The following LSM14A variants were observed in gnomAD, a reference collection of about 807,000 sequenced individuals.
The protein encoded by LSM14A is LSM14A mRNA processing body assembly factor.
A neutral mutation model predicts 52.4 loss-of-function variants in LSM14A; 14 were observed. That is an observed-to-expected ratio of 0.27 (90% CI 0.18 to 0.42). The LOEUF is 0.42. Ranked by LOEUF, LSM14A falls within the 10% of genes least tolerant of loss-of-function variation. LSM14A has a pLI of 1.00. For missense variants in LSM14A, 417 were observed against 581.8 expected (o/e 0.72, Z 2.91); for synonymous variants, 185 against 200.3 (o/e 0.92, Z 0.64).
chr19:34,209,281 CT>C (rs2071953599), intron 4 of LSM14A, among the ~76,000 whole-genome samples: 1 of 152,156 alleles, frequency 6.6e-6, no homozygotes, highest in African/African-American at 2.4e-5. Context: ...TGAGCATTCT[CT>C]AAGTTGGACT....
At chr19:34,172,903 C>A (rs573978884) in intron 1 of LSM14A, 140 bp downstream of exon 1, 1 of 1,070,880 alleles carries the variant, frequency 9.3e-7, no homozygotes, top group Non-Finnish European at 1.3e-6. Context: ...TCTCCGGGCC[C>A]CGGCGTCGCG....
chr19:34,223,566 A>G (rs543003888), intron 9 of LSM14A, among the ~76,000 whole-genome samples: 18 of 152,346 alleles, frequency 1.2e-4, no homozygotes, highest in African/African-American at 3.8e-4. Context: ...CTGCCCAGGC[A>G]CTAGAGGTAT....
Position 34,205,082 on chromosome 19 carries a change from A to G in LSM14A, c.416-3847A>G, listed in dbSNP as rs777130197. On this transcript the variant is annotated intron_variant, in intron 3 of 9. Transcript: ENST00000544216. ...GGGAGGCAGAGGTTGCAGTGAGCCA[A>G]GATGACGTCACTACACTCCAGCCTG... Among the ~76,000 whole-genome samples the G allele has an allele frequency of 6.3e-4, 96 of 152,294 alleles. 1 individual carries two copies. The highest frequency in any genetic ancestry group is 3.4e-3 in the Middle Eastern group (1 of 294).
intron 3 of LSM14A, among the ~76,000 whole-genome samples, chr19:34,204,548 C>CA (rs34920125): frequency 0.39 from 47,809 of 123,128 alleles, 8,366 homozygotes; most frequent in African/African-American, 0.42. Flanking sequence ...CTTGTCTCTG[C>CA]AAAAAAAAAA....
rs2073076656 is a variant in LSM14A at position 34,221,710 on chromosome 19, G to GC, written c.1342dup (p.Arg448ProfsTer7). 6.2e-7 allele frequency: 1 copy of GC among 1,613,236 alleles called. No individual in the cohort carries two copies. Among genetic ancestry groups the GC allele is most frequent in the Non-Finnish European group, 8.5e-7 (1 of 1,179,362 alleles). On this transcript the variant is annotated frameshift_variant, in exon 9 of 10. Transcript: ENST00000544216. LOFTEE classifies it high-confidence loss of function. The stretch of plus-strand genomic sequence containing the variant: ...GGTGGATTCAGAGGAGGTCGTGGGG[G>GC]CCGGGAGTTTGCGGATTTTGAATAT...
At chr19:34,181,395 T>G (rs2069472667) in intron 1 of LSM14A, among the ~76,000 whole-genome samples, 1 of 152,224 alleles carries the variant, frequency 6.6e-6, no homozygotes, top group East Asian at 1.9e-4. Flanking sequence ...ACCACTGGTG[T>G]TCATTCATTT....
chr19:34,178,177 C>G lies in LSM14A; in HGVS notation c.121+5414C>G, dbSNP rs62102104. On this transcript the variant is annotated intron_variant, in intron 1 of 9. Transcript: ENST00000544216. Reference sequence around the variant, plus strand: ...CTCTGTCTCAAAAAAAAAAAAAACACAAAATAATAATAATAATCTGTTTTC... The same window carrying G: ...CTCTGTCTCAAAAAAAAAAAAAACAGAAAATAATAATAATAATCTGTTTTC... Among the ~76,000 whole-genome samples the G allele has an allele frequency of 3.5e-5, 4 of 114,198 alleles. No individual in the cohort carries two copies. In the East Asian group the frequency reaches 5.8e-4, roughly 17 times the overall value. 74.9% of individuals were successfully genotyped at this position (114,198 alleles called of 152,430 possible). A position where few individuals can be genotyped will look rare whatever the true frequency, so the allele number is the denominator to read the frequency against.
chr19:34,202,450 G>A (rs959399629), intron 3 of LSM14A, among the ~76,000 whole-genome samples: 14 of 148,434 alleles, frequency 9.4e-5, no homozygotes, highest in South Asian at 6.4e-4. Context: ...CCAAGAGCAC[G>A]CCACTGCACT....
intron 1 of LSM14A, among the ~76,000 whole-genome samples, chr19:34,190,429 T>C (rs2070279980): frequency 1.3e-5 from 2 of 152,120 alleles, no homozygotes; most frequent in South Asian, 4.1e-4. Flanking sequence ...TTGGAAAGTA[T>C]GCTCTTAGTT....
chr19:34,196,576 T>G, intron 2 of LSM14A, 58 bp from the exon 3 acceptor site: 2 of 1,492,442 alleles, frequency 1.3e-6, no homozygotes, highest in Non-Finnish European at 1.8e-6. Context: ...GGAATTTTTT[T>G]TTTCGTTATA....
At chr19:34,204,947 T>G (rs886969574) in intron 3 of LSM14A, among the ~76,000 whole-genome samples, 1 of 148,524 alleles carries the variant, frequency 6.7e-6, no homozygotes, top group Non-Finnish European at 1.5e-5. Context: ...GCCTGGTCAA[T>G]GTGATAAAAA....
intron 1 of LSM14A, among the ~76,000 whole-genome samples, chr19:34,189,872 A>G (rs1171739085): frequency 1.3e-5 from 2 of 152,240 alleles, no homozygotes; most frequent in Non-Finnish European, 2.9e-5. Context: ...GTAAATTTAG[A>G]ACTTTCCCTT....
intron 3 of LSM14A, among the ~76,000 whole-genome samples, chr19:34,198,120 A>G (rs551559701): frequency 2.2e-4 from 34 of 151,976 alleles, no homozygotes; most frequent in African/African-American, 7.7e-4. Context: ...TTAAAATTTC[A>G]TTGAAATAAT....
chr19:34,188,719 G>A (rs1432271634), intron 1 of LSM14A, among the ~76,000 whole-genome samples: 3 of 152,094 alleles, frequency 2.0e-5, no homozygotes, highest in Non-Finnish European at 4.4e-5. Context: ...GACGTTTTGT[G>A]TCTAGCTTCT....
intron 3 of LSM14A, among the ~76,000 whole-genome samples, chr19:34,207,921 G>A (rs946030215): frequency 1.3e-5 from 2 of 152,146 alleles, no homozygotes; most frequent in Non-Finnish European, 2.9e-5. Context: ...AAGACCATGT[G>A]AAGTGAGTAA....
rs527281429 is a variant in LSM14A at position 34,226,927 on chromosome 19, G to A, written c.1369-438G>A. The stretch of plus-strand genomic sequence containing the variant: ...TCCTCCTGGCATGAAATTTTGGAGA[G>A]AAATGTTATACTGACTGGGTATTTT... On this transcript the variant is annotated intron_variant, in intron 9 of 9. Transcript: ENST00000544216. Among the ~76,000 whole-genome samples the A allele has an allele frequency of 4.6e-5, 7 of 152,336 alleles. No individual in the cohort carries two copies. In the East Asian group the frequency reaches 1.2e-3, roughly 25 times the overall value.
rs2073474685 is a variant in LSM14A at position 34,229,095 on chromosome 19, A to G, written c.*1707A>G. ...TTGGAGATGTCCCGGGCCAATTTCA[A>G]GAAAGAAAACTGTAAATACTAGTTC... On this transcript the variant is annotated 3_prime_UTR_variant, in exon 10 of 10. Coordinates refer to ENST00000544216, the MANE Select transcript of LSM14A (RefSeq NM_015578.4). The G allele has an allele frequency of 6.6e-6, 1 of 152,244 alleles. No homozygotes were observed. The highest frequency in any genetic ancestry group is 1.5e-5 in the Non-Finnish European group (1 of 68,050). 9.4% of individuals were successfully genotyped at this position (152,244 alleles called of 1,614,324 possible). A position where few individuals can be genotyped will look rare whatever the true frequency, so the allele number is the denominator to read the frequency against.
chr19:34,226,249 T>A (rs1303078383), intron 9 of LSM14A, among the ~76,000 whole-genome samples: 1 of 151,930 alleles, frequency 6.6e-6, no homozygotes, highest in Non-Finnish European at 1.5e-5. Flanking sequence ...GTGATAAAAA[T>A]CACATCTGTG....
At chr19:34,189,097 G>T (rs2070159249) in intron 1 of LSM14A, among the ~76,000 whole-genome samples, 1 of 152,114 alleles carries the variant, frequency 6.6e-6, no homozygotes, top group African/African-American at 2.4e-5. Context: ...TATAATGCCT[G>T]CCTAATATTA....
Sources: gnomAD v4.1 joint callset for allele counts (sites outside exome capture counted in the v4.1 genomes callset) on GRCh38, gnomAD v4.1.1 for gene constraint, MANE v1.5 for transcripts, NCBI Gene and HGNC (gene_info 2026-07-23, HGNC 2026-07-21) for gene names.